Variants in UNKL observed in about 807,000 individuals in gnomAD.
UNKL encodes the protein putative E3 ubiquitin-protein ligase UNKL.
In UNKL, 60 loss-of-function variants were observed where a neutral mutation model predicts 78.0. The observed-to-expected ratio is 0.77, with a 90% CI of 0.63 to 0.95. UNKL has a LOEUF of 0.95. Ranked by LOEUF, UNKL falls within the 40% of genes least tolerant of loss-of-function variation. The probability of loss-of-function intolerance (pLI) is 0.00; values close to 1 mark genes in which losing one functional copy is unlikely to be tolerated. For synonymous variants in UNKL, 608 were observed against 474.8 expected, an observed-to-expected ratio of 1.28 and a Z score of -3.65; for missense variants, 1,159 against 1,045.7, an observed-to-expected ratio of 1.11 and a Z score of -1.49.
intron 10 of UNKL, among the ~76,000 whole-genome samples, chr16:1,379,928 C>A (rs1203703215): frequency 6.6e-6 from 1 of 152,228 alleles, no homozygotes; most frequent in Non-Finnish European, 1.5e-5. Flanking sequence ...TCCTGCCCTG[C>A]CCACCTGCAC....
Position 1,367,773 on chromosome 16 carries a change from G to T in UNKL, c.1671C>A (p.Pro557=). The T allele has an allele frequency of 6.4e-7, 1 of 1,573,508 alleles. No homozygotes were observed. Among genetic ancestry groups the T allele is most frequent in the Non-Finnish European group, 8.6e-7 (1 of 1,160,028 alleles). ...PSPSPILSAG[P]PSSSSASPNG... ...TTGGACTTGCACTCGAAGAGGATGG[G>T]GGGCCGGCACTCAGGATGGGGGAGG... The change falls in exon 13 of 15, where the codon CCC becomes CCA. Residue 557 remains proline (P), a synonymous_variant. Transcript: ENST00000389221.
chr16:1,392,934 T>G lies in UNKL; in HGVS notation c.980A>C (p.His327Pro). Residue 327 changes from histidine to proline, a missense_variant, in exon 8 of 15, where the codon CAC becomes CCC. By Grantham distance (77) the His-to-Pro change is moderately conservative (BLOSUM62 -2). Coordinates refer to ENST00000389221, the MANE Select transcript of UNKL (RefSeq NM_001372107.1). Reference protein sequence around the residue: ...MVNEWGCHDLHLTSPSSTGSG... With the variant: ...MVNEWGCHDLPLTSPSSTGSG... Reference sequence around the variant, plus strand: ...GCCCGTGGAGGAAGGACTCGTGAGGTGGAGGTCGTGACAGCCCCATTCATT... The same window carrying G: ...GCCCGTGGAGGAAGGACTCGTGAGGGGGAGGTCGTGACAGCCCCATTCATT... The G allele has an allele frequency of 6.4e-7, 1 of 1,550,524 alleles. No individual in the cohort carries two copies. Among genetic ancestry groups the G allele is most frequent in the Non-Finnish European group, 8.7e-7 (1 of 1,147,002 alleles).
At chr16:1,381,371 G>GC (rs1342694122) in intron 10 of UNKL, among the ~76,000 whole-genome samples, 5 of 152,260 alleles carry the variant, frequency 3.3e-5, no homozygotes, top group Non-Finnish European at 7.3e-5. Flanking sequence ...TGTAATCCCA[G>GC]CATCTTGGGA....
intron 2 of UNKL, among the ~76,000 whole-genome samples, chr16:1,413,222 C>G (rs2038121626): frequency 8.2e-6 from 1 of 121,674 alleles, no homozygotes; most frequent in African/African-American, 3.1e-5. Flanking sequence ...CCAGCCCCAG[C>G]GACAGAGCAA....
In UNKL at chr16:1,367,282, C is replaced by A. The variant is rs1438788838; in HGVS notation, c.1856G>T (p.Arg619Leu). Residue 619 changes from arginine to leucine, a missense_variant, in exon 14 of 15, where the codon CGG (arginine) becomes CTG (leucine). Transcript: ENST00000389221. ...CTCCTTCTTCTGCAGCGCCAGCTGC[C>A]GGTCGCTATCGGCCACACGGGCACG... Reference protein sequence around the residue: ...KERARVADSDRQLALQKKEEV... With the variant: ...KERARVADSDLQLALQKKEEV... The A allele has an allele frequency of 6.4e-7, 1 of 1,565,176 alleles. No individual in the cohort carries two copies. The highest frequency in any genetic ancestry group is 8.6e-7 in the Non-Finnish European group (1 of 1,159,822).
At chr16:1,410,643 G>A (rs551927284) in intron 2 of UNKL, among the ~76,000 whole-genome samples, 2 of 152,184 alleles carry the variant, frequency 1.3e-5, no homozygotes, top group Admixed American at 6.5e-5. Flanking sequence ...GGTCAGACAG[G>A]CTGGGTGCTC....
chr16:1,380,086 C>T lies in UNKL; in HGVS notation c.1264+5122G>A, dbSNP rs570245694. 2.3e-3 allele frequency among the ~76,000 whole-genome samples: 346 copies of T among 152,360 alleles called. 3 individuals are homozygous for T. The highest frequency in any genetic ancestry group is 5.0e-3 in the Admixed American group (77 of 15,308). ...GCGTGCCTGCCCAGCCCCATCTAAACGCGGGGTACGGAGCTCGCAGGTCTC... is the reference window on the plus strand; with the variant it reads ...GCGTGCCTGCCCAGCCCCATCTAAATGCGGGGTACGGAGCTCGCAGGTCTC... On this transcript the variant is annotated intron_variant, in intron 10 of 14. Coordinates refer to ENST00000389221, the MANE Select transcript of UNKL (RefSeq NM_001372107.1).
intron 10 of UNKL, among the ~76,000 whole-genome samples, chr16:1,374,825 A>G (rs545623121): frequency 7.4e-4 from 112 of 152,334 alleles, no homozygotes; most frequent in African/African-American, 2.6e-3. Context: ...AAGGGGCCGC[A>G]GAGGGACAAA....
At chr16:1,369,913 T>G (rs939191117) in intron 12 of UNKL, 12 of 1,535,274 alleles carry the variant, frequency 7.8e-6, no homozygotes, top group Non-Finnish European at 9.6e-6. Context: ...AGGCGGAGGT[T>G]GCGGCGAGCC....
At chr16:1,406,094 C>T in intron 2 of UNKL, 1 of 456,418 alleles carries the variant, frequency 2.2e-6, no homozygotes, top group Non-Finnish European at 4.4e-6. Flanking sequence ...AGGAGACAGG[C>T]AGTGTACACG....
At chr16:1,367,557 G>GCCCTCCCTCCCTCCCTCCCCT in intron 13 of UNKL, 99 bp downstream of exon 13, 3 of 385,792 alleles carry the variant, frequency 7.8e-6, no homozygotes, top group East Asian at 1.1e-4. Flanking sequence ...GTCACCTGCG[G>GCCCTCCCTCCCTCCCTCCCCT]CCCTCCCTCC....
intron 10 of UNKL, 128 bp from the exon 11 acceptor site, chr16:1,371,739 T>C: frequency 3.1e-6 from 3 of 978,580 alleles, no homozygotes; most frequent in Non-Finnish European, 4.4e-6. Context: ...TGGGAGTTGC[T>C]GGGGCAGCCA....
rs575383021 is a variant in UNKL at position 1,403,370 on chromosome 16, C to G, written c.288-26G>C. The G allele has an allele frequency of 1.2e-6, 2 of 1,609,238 alleles. No individual in the cohort carries two copies. The highest frequency in any genetic ancestry group is 2.2e-5 in the South Asian group (2 of 90,288). On this transcript the variant is annotated intron_variant, in intron 2 of 14. Coordinates refer to ENST00000389221, the MANE Select transcript of UNKL (RefSeq NM_001372107.1). This position sits in a 1 kb window ranked among gnomAD's most constrained non-coding sequence, Gnocchi z 4.8. ...CTGGGGAGCAGAGAGGCACGCAATG[C>G]CTGGTTATCATGGACCCAGAGGCAG... is the stretch of plus-strand genomic sequence containing the variant.
intron 11 of UNKL, 79 bp from the exon 12 acceptor site, chr16:1,370,436 A>G: frequency 6.6e-7 from 1 of 1,505,332 alleles, no homozygotes; most frequent in East Asian, 2.5e-5. Flanking sequence ...GCAGCCGTGG[A>G]AGACGGACCC....
chr16:1,367,569 T>A, intron 13 of UNKL, 87 bp downstream of exon 13: 1 of 201,780 alleles, frequency 5.0e-6, no homozygotes, highest in Non-Finnish European at 8.8e-6. Context: ...CCTCCCTCCC[T>A]CCCCTCCCAT....
In UNKL at chr16:1,399,092, C is replaced by T; in HGVS notation, c.734+282G>A. 2 of 1,275,914 alleles carry T rather than the reference C, an allele frequency of 1.6e-6. No individual in the cohort carries two copies. The highest frequency in any genetic ancestry group is 2.6e-5 in the East Asian group (1 of 38,874). 79.0% of individuals were successfully genotyped at this position (1,275,914 alleles called of 1,614,324 possible). The stretch of plus-strand genomic sequence containing the variant: ...CGGGGGTCCCAGCTGGGCTTGGGGT[C>T]CCTCCTGCAGTGCTCCGTCCCCTTG... On this transcript the variant is annotated intron_variant, in intron 5 of 14. Transcript: ENST00000389221. This position sits in a 1 kb window ranked among gnomAD's most constrained non-coding sequence, Gnocchi z 5.8.
chr16:1,398,473 CAGAGGG>C, intron 5 of UNKL: 11 of 1,185,566 alleles, frequency 9.3e-6, no homozygotes, highest in Non-Finnish European at 1.2e-5. Flanking sequence ...GGAAGCTGCT[CAGAGGG>C]AGACTGAACG....
At chr16:1,383,288 AC>A (rs368201443) in intron 10 of UNKL, among the ~76,000 whole-genome samples, 4 of 151,092 alleles carry the variant, frequency 2.6e-5, no homozygotes, top group Non-Finnish European at 5.9e-5. Context: ...AAAAAAAAAA[AC>A]AAAATCAAAA....
rs1381929594 is a variant in UNKL at position 1,370,218 on chromosome 16, G to C, written c.1497C>G (p.Ser499=). 1 of 1,530,030 alleles carries C rather than the reference G, an allele frequency of 6.5e-7. No individual in the cohort carries two copies. The highest frequency in any genetic ancestry group is 8.8e-7 in the Non-Finnish European group (1 of 1,137,668). 94.8% of individuals were successfully genotyped at this position (1,530,030 alleles called of 1,614,324 possible). A position where few individuals can be genotyped will look rare whatever the true frequency, so the allele number is the denominator to read the frequency against. ...GCTGCTGGGGAGGCGTCATGGCTGAGGAGCCCACCGGCCCTGGGAGGGGCT... is the reference window on the plus strand; with the variant it reads ...GCTGCTGGGGAGGCGTCATGGCTGACGAGCCCACCGGCCCTGGGAGGGGCT... ...LSQPLPGPVG[S]SAMTPPQQPP... The change falls in exon 12 of 15, where the codon TCC becomes TCG. Residue 499 remains serine, a synonymous_variant. Coordinates refer to ENST00000389221, the MANE Select transcript of UNKL (RefSeq NM_001372107.1).
Sources: gnomAD v4.1 joint callset for allele counts (sites outside exome capture counted in the v4.1 genomes callset) on GRCh38, gnomAD v4.1.1 for gene constraint, Gnocchi (gnomAD v3.1) non-coding constraint, MANE v1.5 for transcripts, NCBI Gene and HGNC (gene_info 2026-07-23, HGNC 2026-07-21) for gene names.